THSD7B: variants seen among roughly 807,000 people sequenced by gnomAD.
The protein encoded by THSD7B is thrombospondin type 1 domain containing 7B, also known as thrombospondin type-1 domain-containing protein 7B.
In THSD7B, 138 loss-of-function variants were observed where a neutral mutation model predicts 213.6. That is an observed-to-expected ratio of 0.65 (90% confidence interval 0.56 to 0.74). THSD7B has a LOEUF of 0.74. Ranked by LOEUF, THSD7B falls within the 30% of genes least tolerant of loss-of-function variation. The pLI, the probability that THSD7B is intolerant of heterozygous loss-of-function variation, is 0.00. For synonymous variants in THSD7B, 742 were observed against 687.0 expected (o/e 1.08, Z -1.25); for missense variants, 1,931 against 1,991.5 (o/e 0.97, Z 0.58).
chr2:137,515,517 G>T (rs977234708), intron 15 of THSD7B, among the ~76,000 whole-genome samples: 1 of 152,114 alleles, frequency 6.6e-6, no homozygotes, highest in African/African-American at 2.4e-5. Context: ...GGAGGTACAT[G>T]CCACTTGAAA....
chr2:137,012,606 C>T (rs1264939661), intron 2 of THSD7B, among the ~76,000 whole-genome samples: 1 of 152,162 alleles, frequency 6.6e-6, no homozygotes, highest in Non-Finnish European at 1.5e-5. Flanking sequence ...TCAGCAAGTT[C>T]AGTGCTCATG....
intron 14 of THSD7B, among the ~76,000 whole-genome samples, chr2:137,436,444 A>G (rs1428019387): frequency 6.6e-6 from 1 of 152,168 alleles, no homozygotes; most frequent in East Asian, 1.9e-4. Context: ...CATACACACA[A>G]TTTGATTCCA....
At chr2:137,372,902 G>A (rs1184329968) in intron 12 of THSD7B, among the ~76,000 whole-genome samples, 1 of 135,792 alleles carries the variant, frequency 7.4e-6, no homozygotes, top group Non-Finnish European at 1.5e-5. Flanking sequence ...CTGTGTCCAT[G>A]TGTTCTCATT....
At chr2:137,405,912 C>G in intron 13 of THSD7B, 105 bp downstream of exon 13, 4 of 968,268 alleles carry the variant, frequency 4.1e-6, no homozygotes, top group Non-Finnish European at 6.0e-6. Flanking sequence ...CAGGTCTCTT[C>G]CTCTCTCTCC....
At chr2:137,564,826 T>C (rs10496780) in intron 16 of THSD7B, among the ~76,000 whole-genome samples, 31,316 of 152,070 alleles carry the variant, frequency 0.21, 3,467 homozygotes, top group South Asian at 0.28. Flanking sequence ...ATAATAACTA[T>C]GAAGCATTAT....
At chr2:136,992,333 TA>T (rs1244195141) in intron 2 of THSD7B, among the ~76,000 whole-genome samples, 3 of 152,228 alleles carry the variant, frequency 2.0e-5, no homozygotes, top group African/African-American at 7.2e-5. Context: ...TCTTAAAGTG[TA>T]ATTTTGGTTT....
chr2:137,244,983 G>A (rs965930828), intron 10 of THSD7B, among the ~76,000 whole-genome samples: 1 of 152,096 alleles, frequency 6.6e-6, no homozygotes, highest in Non-Finnish European at 1.5e-5. Flanking sequence ...TAGAAATTCT[G>A]ATTCAATAAC....
At chr2:137,144,083 C>T (rs1009170813) in intron 5 of THSD7B, among the ~76,000 whole-genome samples, 2 of 151,944 alleles carry the variant, frequency 1.3e-5, no homozygotes, top group East Asian at 1.9e-4. Context: ...ACAGCATAAA[C>T]GGAGTCATCA....
At chr2:137,584,314 A>G (rs1395087247) in intron 17 of THSD7B, among the ~76,000 whole-genome samples, 1 of 152,188 alleles carries the variant, frequency 6.6e-6, no homozygotes, top group Non-Finnish European at 1.5e-5. Context: ...TCTTTTCCTA[A>G]TTGAATACCA....
intron 1 of THSD7B, among the ~76,000 whole-genome samples, chr2:136,845,613 T>C (rs1682996307): frequency 6.6e-6 from 1 of 152,178 alleles, no homozygotes; most frequent in Admixed American, 6.5e-5. Context: ...CTTTTCATTT[T>C]GGGGGTTTCA....
At chr2:137,092,419 A>C (rs891458281) in intron 3 of THSD7B, among the ~76,000 whole-genome samples, 5 of 152,086 alleles carry the variant, frequency 3.3e-5, no homozygotes, top group South Asian at 2.1e-4. Context: ...TCTCAAAAAA[A>C]TAAATAAAAT....
chr2:137,018,279 G>C (rs1429863901), intron 2 of THSD7B, among the ~76,000 whole-genome samples: 1 of 151,956 alleles, frequency 6.6e-6, no homozygotes, highest in Non-Finnish European at 1.5e-5. Flanking sequence ...AGACAACAAA[G>C]TATATTTATT....
intron 3 of THSD7B, among the ~76,000 whole-genome samples, chr2:137,091,528 C>A (rs1386198505): frequency 7.0e-6 from 1 of 142,616 alleles, no homozygotes; most frequent in African/African-American, 2.8e-5. Context: ...TTTATTCATT[C>A]ATTCATTCAT....
At chr2:136,816,334 A>T (rs1002767769) in intron 1 of THSD7B, among the ~76,000 whole-genome samples, 2 of 152,192 alleles carry the variant, frequency 1.3e-5, no homozygotes, top group African/African-American at 4.8e-5. Context: ...GATATTGTTA[A>T]ATGTCTACTA....
At chr2:137,389,238 T>TATATATATGACAAAATAATATATATATAG (rs966579222) in intron 12 of THSD7B, among the ~76,000 whole-genome samples, 166 of 140,782 alleles carry the variant, frequency 1.2e-3, no homozygotes, top group African/African-American at 3.8e-3. Flanking sequence ...TATATATATA[T>TATATATATGACAAAATAATATATATATAG]AGAGAGAGTT....
intron 2 of THSD7B, among the ~76,000 whole-genome samples, chr2:137,030,210 G>A (rs1030383926): frequency 6.6e-6 from 1 of 152,164 alleles, no homozygotes; most frequent in African/African-American, 2.4e-5. Flanking sequence ...TCCAGGAAGG[G>A]ACATGCATGA....
At chr2:137,117,043 G>A (rs1198706657) in intron 5 of THSD7B, among the ~76,000 whole-genome samples, 2 of 152,148 alleles carry the variant, frequency 1.3e-5, no homozygotes, top group Middle Eastern at 3.2e-3. Context: ...TGTGTAACAC[G>A]ACTGTATACT....
chr2:137,496,312 C>T (rs1045782775), intron 15 of THSD7B, among the ~76,000 whole-genome samples: 3 of 152,198 alleles, frequency 2.0e-5, no homozygotes, highest in Non-Finnish European at 4.4e-5. Flanking sequence ...CTACAGCTGG[C>T]CTTCTGATGA....
intron 2 of THSD7B, among the ~76,000 whole-genome samples, chr2:136,993,491 G>T (rs1685825275): frequency 6.6e-6 from 1 of 152,174 alleles, no homozygotes; most frequent in Non-Finnish European, 1.5e-5. Context: ...CTAATAGTGA[G>T]TGATAGAGCC....
Sources: gnomAD v4.1 joint callset for allele counts (sites outside exome capture counted in the v4.1 genomes callset) on GRCh38, gnomAD v4.1.1 for gene constraint, MANE v1.5 for transcripts, NCBI Gene and HGNC (gene_info 2026-07-23, HGNC 2026-07-21) for gene names.